SLC25A21: variants seen among roughly 807,000 people sequenced by gnomAD.
SLC25A21 encodes solute carrier family 25 member 21, also known as mitochondrial 2-oxodicarboxylate carrier.
In SLC25A21, 47 loss-of-function variants were observed where a neutral mutation model predicts 43.8. That is an observed-to-expected ratio of 1.07 (90% CI 0.85 to 1.37). The LOEUF (loss-of-function observed/expected upper bound fraction) is 1.37, where lower values mean the gene tolerates loss of function less well. Among genes scored for constraint, SLC25A21 ranks in the 40% most tolerant of loss-of-function variants. The pLI is 0.00. For missense variants in SLC25A21, 352 were observed against 350.2 expected, an observed-to-expected ratio of 1.00 and a Z score of -0.04; for synonymous variants, 131 against 121.3, an observed-to-expected ratio of 1.08 and a Z score of -0.52.
At chr14:37,087,297 AATC>A (rs1160355132) in intron 1 of SLC25A21, among the ~76,000 whole-genome samples, 1 of 152,226 alleles carries the variant, frequency 6.6e-6, no homozygotes, top group Non-Finnish European at 1.5e-5. Flanking sequence ...AATAAGAATA[AATC>A]AACTTCATCA....
chr14:37,127,532 A>G (rs902047031), intron 1 of SLC25A21, among the ~76,000 whole-genome samples: 1 of 152,168 alleles, frequency 6.6e-6, no homozygotes, highest in East Asian at 1.9e-4. Flanking sequence ...TTCTTTAGTC[A>G]ATGGCGAAAG....
intron 1 of SLC25A21, among the ~76,000 whole-genome samples, chr14:37,117,014 T>C (rs1157466888): frequency 6.6e-6 from 1 of 152,190 alleles, no homozygotes; most frequent in Non-Finnish European, 1.5e-5. Context: ...TGGCTTATAC[T>C]TTTAAAAACA....
rs117552135 is a variant in SLC25A21, at chr14:36,820,811, C to A, written c.120-6810G>T. 1.7e-4 allele frequency among the ~76,000 whole-genome samples: 26 copies of A among 152,254 alleles called. 1 individual carries two copies. In the East Asian group the frequency reaches 5.0e-3, roughly 29 times the overall value. ...GTGATGAGCCTAACGAAACTCCCTG[C>A]AGAGATTTCCGTGAATGTGCTATGA... On this transcript the variant is annotated intron_variant, in intron 2 of 9. Transcript: ENST00000331299.
At chr14:36,926,310 G>A (rs1892130355) in intron 1 of SLC25A21, among the ~76,000 whole-genome samples, 1 of 152,048 alleles carries the variant, frequency 6.6e-6, no homozygotes, top group Non-Finnish European at 1.5e-5. Context: ...ATTTTTAGCT[G>A]GATGACAATG....
intron 3 of SLC25A21, among the ~76,000 whole-genome samples, chr14:36,735,814 T>C (rs1182927851): frequency 1.5e-4 from 2 of 13,352 alleles, no homozygotes; most frequent in Non-Finnish European, 2.3e-4. Flanking sequence ...CCAGAATCCT[T>C]TTTTTTTTTT....
chr14:36,865,425 T>C (rs1194964749), intron 2 of SLC25A21, among the ~76,000 whole-genome samples: 2 of 152,136 alleles, frequency 1.3e-5, no homozygotes, highest in Admixed American at 6.6e-5. Context: ...TAGGACAGAA[T>C]GTGTTGTTTC....
At chr14:36,754,387 C>T (rs1594555386) in intron 3 of SLC25A21, among the ~76,000 whole-genome samples, 1 of 151,906 alleles carries the variant, frequency 6.6e-6, no homozygotes, top group African/African-American at 2.4e-5. Flanking sequence ...TTCCTTAAGG[C>T]TATATATGAT....
chr14:36,729,558 G>A lies in SLC25A21; in HGVS notation c.279C>T (p.Thr93=), dbSNP rs764934481. 3 of 1,607,170 alleles carry A rather than the reference G, an allele frequency of 1.9e-6. No homozygotes were observed. In the East Asian group the frequency reaches 6.7e-5, roughly 36 times the overall value. Residue 93 remains threonine (T), a synonymous_variant, in exon 5 of 10, where the codon ACC becomes ACT. Coordinates refer to ENST00000331299, the MANE Select transcript of SLC25A21 (RefSeq NM_030631.4). ...ETPKRAVKFF[T]FEQYKKLLGY... ...CCAGCAATTTCTTGTACTGCTCAAA[G>A]GTGAAAAACTGTGAAACAAAACCAA...
intron 1 of SLC25A21, among the ~76,000 whole-genome samples, chr14:36,913,295 A>G (rs1172380021): frequency 1.1e-4 from 16 of 152,082 alleles, no homozygotes; most frequent in Admixed American, 1.0e-3. Flanking sequence ...GTGAACTGAG[A>G]TTTTTTGTTT....
At chr14:36,836,827 T>G (rs1889225816) in intron 2 of SLC25A21, among the ~76,000 whole-genome samples, 1 of 152,154 alleles carries the variant, frequency 6.6e-6, no homozygotes, top group Non-Finnish European at 1.5e-5. Flanking sequence ...TCTTTTTGGT[T>G]TTGTTCTAAG....
chr14:37,005,893 C>T (rs987656117), intron 1 of SLC25A21, among the ~76,000 whole-genome samples: 1 of 152,116 alleles, frequency 6.6e-6, no homozygotes, highest in African/African-American at 2.4e-5. Context: ...AAAAATAGAG[C>T]CCATTATCCA....
intron 1 of SLC25A21, among the ~76,000 whole-genome samples, chr14:37,034,017 A>G (rs936003323): frequency 2.8e-5 from 4 of 143,310 alleles, no homozygotes; most frequent in African/African-American, 1.0e-4. Context: ...GGGAGGTCAC[A>G]ATTTTGCTTT....
At chr14:37,056,407 G>A (rs369539385) in intron 1 of SLC25A21, among the ~76,000 whole-genome samples, 14 of 151,226 alleles carry the variant, frequency 9.3e-5, no homozygotes, top group Admixed American at 5.3e-4. Context: ...GGAGAATGGC[G>A]TGAACCCCGG....
chr14:37,007,209 T>C (rs886823418), intron 1 of SLC25A21, among the ~76,000 whole-genome samples: 2 of 152,208 alleles, frequency 1.3e-5, no homozygotes, highest in Non-Finnish European at 2.9e-5. Context: ...CTCTTAACAA[T>C]AGTCGGCCAG....
intron 3 of SLC25A21, among the ~76,000 whole-genome samples, chr14:36,783,993 TAATTA>T (rs1283787336): frequency 6.6e-6 from 1 of 152,246 alleles, no homozygotes; most frequent in Non-Finnish European, 1.5e-5. Flanking sequence ...TTTTTTCAAC[TAATTA>T]AAATATGACA....
intron 3 of SLC25A21, among the ~76,000 whole-genome samples, chr14:36,797,198 T>A (rs60171765): frequency 0.012 from 1,885 of 152,346 alleles, 31 homozygotes; most frequent in African/African-American, 0.044. Context: ...AATCTAACAA[T>A]AGTTTGATTA....
chr14:36,936,691 A>G (rs1046478472), intron 1 of SLC25A21, among the ~76,000 whole-genome samples: 1 of 152,192 alleles, frequency 6.6e-6, no homozygotes, highest in African/African-American at 2.4e-5. Context: ...AAGAACGGTA[A>G]TATAAGTAAA....
Position 36,679,381 on chromosome 14 carries a change from T to TTTA in SLC25A21, c.*1274_*1276dup, listed in dbSNP as rs1167110444. 2 of 979,352 alleles carry TTTA rather than the reference T, an allele frequency of 2.0e-6. No homozygotes were observed. Among genetic ancestry groups the TTTA allele is most frequent in the Non-Finnish European group, 2.4e-6 (2 of 824,562 alleles). 60.7% of individuals were successfully genotyped at this position (979,352 alleles called of 1,614,324 possible). A position where few individuals can be genotyped will look rare whatever the true frequency, so the allele number is the denominator to read the frequency against. On this transcript the variant is annotated 3_prime_UTR_variant, in exon 10 of 10. Transcript: ENST00000331299. ...ATAATTACCATGTTATCTTTTACTT[T>TTTA]TTATTTTCAAAATGCTTTAGTGAAA...
At chr14:36,931,045 C>T (rs577813417) in intron 1 of SLC25A21, among the ~76,000 whole-genome samples, 1 of 152,170 alleles carries the variant, frequency 6.6e-6, no homozygotes, top group African/African-American at 2.4e-5. Context: ...CCTCTGGGCT[C>T]CCACAGACTC....
Sources: allele counts gnomAD v4.1 joint callset (sites outside exome capture counted in the v4.1 genomes callset), GRCh38; gene constraint gnomAD v4.1.1; transcripts MANE v1.5; gene names NCBI Gene and HGNC (gene_info 2026-07-23, HGNC 2026-07-21).